Variants in THSD4 observed in about 807,000 individuals in gnomAD.
THSD4 encodes the protein thrombospondin type-1 domain-containing protein 4.
Under a neutral mutation model 119.0 loss-of-function variants are expected in THSD4, and 69 were observed. The ratio of observed to expected loss-of-function variants is 0.58; its 90% CI spans 0.48 to 0.71. THSD4 has a LOEUF of 0.71. Ranked by LOEUF, THSD4 falls within the 30% of genes least tolerant of loss-of-function variation. The probability of loss-of-function intolerance (pLI) is 0.00; values close to 1 mark genes in which losing one functional copy is unlikely to be tolerated. For missense variants in THSD4, 1,393 were observed against 1,391.1 expected (o/e 1.00, Z -0.02); for synonymous variants, 524 against 540.4 (o/e 0.97, Z 0.42).
rs982033132 is a variant in THSD4, at chr15:71,242,695, A to G, written c.511A>G (p.Lys171Glu). Residue 171 changes from lysine (K) to glutamate (E), a missense_variant, in exon 5 of 18, where the codon AAG (lysine) becomes GAG (glutamate). Coordinates refer to ENST00000261862, the MANE Select transcript of THSD4 (RefSeq NM_024817.3). ...TIGPGKYGYG[K>E]APYILPLQTD... ...TGGCCCTGGCAAGTATGGCTATGGT[A>G]AGGCCCCATATATCTTACCACTGCA... 1 of 1,613,962 alleles carries G rather than the reference A, an allele frequency of 6.2e-7. No individual in the cohort carries two copies. Among genetic ancestry groups the G allele is most frequent in the African/African-American group, 1.3e-5 (1 of 74,924 alleles).
chr15:71,588,591 TTTTTTTGTA>T (rs1451961430), intron 7 of THSD4, among the ~76,000 whole-genome samples: 13 of 151,704 alleles, frequency 8.6e-5, no homozygotes, highest in Admixed American at 6.6e-4. Flanking sequence ...ACCCGGCTAA[TTTTTTTGTA>T]TTTTTTGTAT....
At chr15:71,124,181 A>C (rs998858133) in intron 1 of THSD4, among the ~76,000 whole-genome samples, 2 of 152,198 alleles carry the variant, frequency 1.3e-5, no homozygotes, top group Non-Finnish European at 2.9e-5. Flanking sequence ...TTGACTTTGC[A>C]GGCTATGTGG....
chr15:71,221,307 A>G, intron 4 of THSD4, among the ~76,000 whole-genome samples: 1 of 152,130 alleles, frequency 6.6e-6, no homozygotes, highest in East Asian at 1.9e-4. Context: ...CATCTTAACT[A>G]TTTTTAAGCA....
intron 3 of THSD4, among the ~76,000 whole-genome samples, chr15:71,199,869 G>GC (rs2043779761): frequency 2.4e-5 from 3 of 124,032 alleles, no homozygotes; most frequent in South Asian, 2.5e-4. Flanking sequence ...TGTGGGGTGT[G>GC]TGTGTGTGTG....
intron 12 of THSD4, among the ~76,000 whole-genome samples, chr15:71,746,537 G>A (rs1286073119): frequency 1.3e-5 from 2 of 152,134 alleles, no homozygotes; most frequent in Admixed American, 1.3e-4. Context: ...TGGGACTACA[G>A]GCACACACCA....
At chr15:71,738,559 A>G (rs1036927329) in intron 11 of THSD4, among the ~76,000 whole-genome samples, 3 of 152,208 alleles carry the variant, frequency 2.0e-5, no homozygotes, top group African/African-American at 7.2e-5. Context: ...ATTCGAGTTA[A>G]TAAAGGAAAA....
At chr15:71,155,267 A>G (rs535915384) in intron 3 of THSD4, among the ~76,000 whole-genome samples, 3 of 152,250 alleles carry the variant, frequency 2.0e-5, no homozygotes, top group Non-Finnish European at 4.4e-5. Flanking sequence ...ATGGCTGGAG[A>G]AGAAGCAAGA....
At chr15:71,698,303 A>C (rs2052208776) in intron 8 of THSD4, among the ~76,000 whole-genome samples, 1 of 152,172 alleles carries the variant, frequency 6.6e-6, no homozygotes, top group Non-Finnish European at 1.5e-5. Flanking sequence ...AATAAACTCT[A>C]TTAGAGTGGC....
intron 14 of THSD4, among the ~76,000 whole-genome samples, chr15:71,756,911 A>G (rs566050299): frequency 2.0e-5 from 3 of 152,346 alleles, no homozygotes; most frequent in Non-Finnish European, 4.4e-5. Flanking sequence ...ACTGTATCCT[A>G]GGAGAGGACA....
rs139957121 is a variant in THSD4, at chr15:71,413,480, C to T, written c.1152+1657C>T. Among the ~76,000 whole-genome samples, 554 of 152,300 alleles carry T rather than the reference C, an allele frequency of 3.6e-3. 7 individuals are homozygous for T. Among genetic ancestry groups the T allele is most frequent in the South Asian group, 0.028 (134 of 4,822 alleles). ...ACTACCCTTTCCAGTCTCTGGCAAC[C>T]GGCATTTCACTCTCAGTCTTCAGGA... is the stretch of plus-strand genomic sequence containing the variant. On this transcript the variant is annotated intron_variant, in intron 7 of 17. Coordinates refer to ENST00000261862, the MANE Select transcript of THSD4 (RefSeq NM_024817.3).
At chr15:71,233,870 A>C (rs1449495678) in intron 4 of THSD4, among the ~76,000 whole-genome samples, 1 of 152,182 alleles carries the variant, frequency 6.6e-6, no homozygotes, top group East Asian at 1.9e-4. Flanking sequence ...TTCAGGGTTT[A>C]TGTTCAGCTC....
At chr15:71,294,641 T>G (rs2140329165) in intron 6 of THSD4, among the ~76,000 whole-genome samples, 1 of 152,310 alleles carries the variant, frequency 6.6e-6, no homozygotes, top group African/African-American at 2.4e-5. Flanking sequence ...CTATATTCAC[T>G]GCAGGGCTCT....
intron 7 of THSD4, among the ~76,000 whole-genome samples, chr15:71,623,887 C>T (rs1453571523): frequency 2.7e-5 from 4 of 150,740 alleles, no homozygotes; most frequent in African/African-American, 9.8e-5. Flanking sequence ...GGCGCCATTG[C>T]CCTCCAGCTT....
At chr15:71,408,090 T>G (rs946491518) in intron 6 of THSD4, among the ~76,000 whole-genome samples, 4 of 151,994 alleles carry the variant, frequency 2.6e-5, no homozygotes, top group African/African-American at 9.7e-5. Context: ...TTTCCCACTT[T>G]CCCTGCACCA....
intron 1 of THSD4, among the ~76,000 whole-genome samples, chr15:71,128,584 G>A (rs1304880646): frequency 1.3e-5 from 2 of 149,736 alleles, no homozygotes; most frequent in Non-Finnish European, 3.0e-5. Flanking sequence ...TGAAGACAAA[G>A]GAGGAGGAAA....
chr15:71,578,569 T>A (rs2049498744), intron 7 of THSD4, among the ~76,000 whole-genome samples: 1 of 151,968 alleles, frequency 6.6e-6, no homozygotes, highest in African/African-American at 2.4e-5. Context: ...ACTCCTGAGC[T>A]CAGGCAATCC....
intron 15 of THSD4, among the ~76,000 whole-genome samples, chr15:71,761,058 A>G (rs1432755263): frequency 6.6e-6 from 1 of 152,156 alleles, no homozygotes; most frequent in Non-Finnish European, 1.5e-5. Flanking sequence ...TTAACCATTT[A>G]TATTTATTGT....
chr15:71,399,425 C>T (rs1319256427), intron 6 of THSD4, among the ~76,000 whole-genome samples: 2 of 152,176 alleles, frequency 1.3e-5, no homozygotes, highest in Admixed American at 6.5e-5. Flanking sequence ...GTTCCTGTCT[C>T]CTCTCTGTTT....
intron 6 of THSD4, among the ~76,000 whole-genome samples, chr15:71,269,793 T>A (rs1481069551): frequency 6.6e-6 from 1 of 152,136 alleles, no homozygotes; most frequent in Admixed American, 6.5e-5. Context: ...ACAAGCTTTC[T>A]TATACACCAA....
Sources: gnomAD v4.1 joint callset for allele counts (sites outside exome capture counted in the v4.1 genomes callset) on GRCh38, gnomAD v4.1.1 for gene constraint, MANE v1.5 for transcripts, NCBI Gene and HGNC (gene_info 2026-07-23, HGNC 2026-07-21) for gene names.